TANC2: variants seen among roughly 807,000 people sequenced by gnomAD.
TANC2 encodes the protein protein TANC2.
TANC2 carries 26 observed loss-of-function variants against 210.5 expected under a neutral mutation model. That is an observed-to-expected ratio of 0.12 (90% CI 0.09 to 0.17). The LOEUF (loss-of-function observed/expected upper bound fraction) is 0.17, where lower values mean the gene tolerates loss of function less well. TANC2 is among the 10% of genes least tolerant of loss of function. The pLI is 1.00. For missense variants in TANC2, 2,129 were observed against 2,608.9 expected, an observed-to-expected ratio of 0.82 and a Z score of 4.01; for synonymous variants, 931 against 967.1, an observed-to-expected ratio of 0.96 and a Z score of 0.69.
intron 9 of TANC2, among the ~76,000 whole-genome samples, chr17:63,308,109 T>C (rs1403292554): frequency 1.3e-5 from 2 of 152,118 alleles, no homozygotes; most frequent in African/African-American, 4.8e-5. Flanking sequence ...TTGAGGAAAT[T>C]ATATCTCTAA....
At chr17:63,294,491 A>G (rs964765080) in intron 9 of TANC2, among the ~76,000 whole-genome samples, 5 of 152,126 alleles carry the variant, frequency 3.3e-5, no homozygotes, top group Admixed American at 3.3e-4. Flanking sequence ...AAAAAAACAA[A>G]AAGAAACTGC....
intron 2 of TANC2, among the ~76,000 whole-genome samples, chr17:63,063,950 C>T (rs563682179): frequency 6.6e-6 from 1 of 152,114 alleles, no homozygotes; most frequent in South Asian, 2.1e-4. Flanking sequence ...TATCTATATT[C>T]TGAGCTTTTA....
chr17:63,025,847 T>TAAAATAAAATAAAATAAAATAA, intron 2 of TANC2, among the ~76,000 whole-genome samples: 1 of 150,974 alleles, frequency 6.6e-6, no homozygotes, highest in African/African-American at 2.4e-5. Context: ...TAAAATAAAA[T>TAAAATAAAATAAAATAAAATAA]AAAATAAAAT....
At chr17:63,225,290 CCTT>C (rs2042299838) in intron 7 of TANC2, among the ~76,000 whole-genome samples, 1 of 152,174 alleles carries the variant, frequency 6.6e-6, no homozygotes, top group Non-Finnish European at 1.5e-5. Context: ...CCCACAGTCT[CCTT>C]GTTTTCCTCT....
At chr17:63,062,812 A>C (rs993978701) in intron 2 of TANC2, among the ~76,000 whole-genome samples, 1 of 152,230 alleles carries the variant, frequency 6.6e-6, no homozygotes, top group African/African-American at 2.4e-5. Flanking sequence ...CTCTTCATAC[A>C]GAGCACTTCT....
chr17:63,080,938 G>A (rs2036749360), intron 3 of TANC2, among the ~76,000 whole-genome samples: 2 of 152,044 alleles, frequency 1.3e-5, no homozygotes, highest in Non-Finnish European at 2.9e-5. Context: ...TTTTCCTACA[G>A]GAAATATTAA....
At chr17:63,176,135 G>A (rs1394924669) in intron 5 of TANC2, among the ~76,000 whole-genome samples, 1 of 152,196 alleles carries the variant, frequency 6.6e-6, no homozygotes, top group African/African-American at 2.4e-5. Flanking sequence ...TTGGAAACTG[G>A]CAATTTCTTA....
intron 4 of TANC2, among the ~76,000 whole-genome samples, chr17:63,140,413 C>T (rs2039246111): frequency 6.6e-6 from 1 of 152,198 alleles, no homozygotes; most frequent in Admixed American, 6.5e-5. Context: ...TCCAGGGCAG[C>T]TGTCCTTTAT....
intron 3 of TANC2, chr17:63,088,385 C>A (rs1279224370): frequency 6.6e-6 from 1 of 152,166 alleles, no homozygotes; most frequent in Non-Finnish European, 1.5e-5. Flanking sequence ...CTTCTGAAAA[C>A]CTTCCCAGTC....
At chr17:63,235,907 A>G (rs1188248524) in intron 7 of TANC2, among the ~76,000 whole-genome samples, 2 of 151,974 alleles carry the variant, frequency 1.3e-5, no homozygotes, top group African/African-American at 2.4e-5. Flanking sequence ...AAATTTTTCT[A>G]TTTGTGTATA....
At chr17:63,080,465 A>T (rs1455503648) in intron 3 of TANC2, among the ~76,000 whole-genome samples, 1 of 152,234 alleles carries the variant, frequency 6.6e-6, no homozygotes, top group Non-Finnish European at 1.5e-5. Flanking sequence ...TGGTGTAATG[A>T]TGTCCACGAA....
chr17:63,269,570 A>G (rs939866449), intron 9 of TANC2, among the ~76,000 whole-genome samples: 3 of 152,156 alleles, frequency 2.0e-5, no homozygotes, highest in Admixed American at 6.6e-5. Flanking sequence ...TGCTTTACTA[A>G]TCATTGAATA....
chr17:63,243,902 G>T (rs186109454), intron 8 of TANC2, among the ~76,000 whole-genome samples: 2 of 152,068 alleles, frequency 1.3e-5, no homozygotes, highest in Non-Finnish European at 2.9e-5. Flanking sequence ...GAGTGTCCTG[G>T]GAATTTAACC....
chr17:63,243,115 T>C (rs552488041), intron 8 of TANC2, among the ~76,000 whole-genome samples: 12 of 152,306 alleles, frequency 7.9e-5, no homozygotes, highest in Non-Finnish European at 1.3e-4. Context: ...GCATCCAAGC[T>C]TGTTAGTTTA....
intron 11 of TANC2, chr17:63,332,559 A>G: frequency 2.9e-6 from 1 of 342,526 alleles, no homozygotes; most frequent in South Asian, 2.7e-5. Flanking sequence ...CCAGGTGGTC[A>G]CACAGGCCCC....
intron 9 of TANC2, among the ~76,000 whole-genome samples, chr17:63,283,161 G>A (rs142070206): frequency 2.0e-5 from 3 of 151,752 alleles, no homozygotes; most frequent in South Asian, 4.2e-4. Context: ...TTTTCTTTTC[G>A]GTTTCTTCTT....
At chr17:63,039,788 G>C (rs1348709294) in intron 2 of TANC2, among the ~76,000 whole-genome samples, 1 of 152,064 alleles carries the variant, frequency 6.6e-6, no homozygotes, top group Non-Finnish European at 1.5e-5. Flanking sequence ...AACTGTTGTA[G>C]TTCTAAAATC....
intron 17 of TANC2, chr17:63,393,495 C>A (rs904573852): frequency 6.6e-6 from 1 of 152,168 alleles, no homozygotes; most frequent in Admixed American, 6.5e-5. Flanking sequence ...TTTCAGAAGT[C>A]TTTTTCTTCG....
chr17:63,222,181 C>A (rs1425567449), intron 7 of TANC2, among the ~76,000 whole-genome samples: 1 of 152,042 alleles, frequency 6.6e-6, no homozygotes, highest in African/African-American at 2.4e-5. Flanking sequence ...TTTTTTGGTA[C>A]ACTTATATTG....
Sources: gnomAD v4.1 joint callset for allele counts (sites outside exome capture counted in the v4.1 genomes callset) on GRCh38, gnomAD v4.1.1 for gene constraint, MANE v1.5 for transcripts, NCBI Gene and HGNC (gene_info 2026-07-23, HGNC 2026-07-21) for gene names.